Variants in RIOK1 observed in about 807,000 individuals in gnomAD.
RIOK1 encodes the protein RIO kinase 1.
Under a neutral mutation model 73.5 loss-of-function variants are expected in RIOK1, and 66 were observed. The observed-to-expected ratio is 0.90, with a 90% CI of 0.74 to 1.10. The LOEUF is 1.10. RIOK1 is among the 50% of genes least tolerant of loss of function. The probability of loss-of-function intolerance (pLI) is 0.00; values close to 1 mark genes in which losing one functional copy is unlikely to be tolerated. For synonymous variants in RIOK1, 224 were observed against 226.8 expected (o/e 0.99, Z 0.11); for missense variants, 658 against 699.8 (o/e 0.94, Z 0.67).
chr6:7,412,902 CTG>C lies in RIOK1; in HGVS notation c.1405_1406del (p.Val469TyrfsTer28). On this transcript the variant is annotated frameshift_variant, in exon 15 of 17. Coordinates refer to ENST00000379834, the MANE Select transcript of RIOK1 (RefSeq NM_031480.3). LOFTEE classifies it high-confidence loss of function. ...TTTGGTTATAAGATTCTATACCAGA[CTG>C]TTACAGGATTGAAGAAAGATTTGTC... The C allele has an allele frequency of 1.3e-6, 2 of 1,535,450 alleles. No individual in the cohort carries two copies. The highest frequency in any genetic ancestry group is 1.8e-6 in the Non-Finnish European group (2 of 1,140,820).
intron 11 of RIOK1, 57 bp from the exon 12 acceptor site, chr6:7,405,192 T>C: frequency 8.4e-7 from 1 of 1,189,934 alleles, no homozygotes. Context: ...ATAAGGTAGT[T>C]GGAATAATAA....
intron 2 of RIOK1, 78 bp from the exon 3 acceptor site, chr6:7,394,975 A>G (rs1360201635): frequency 1.3e-6 from 2 of 1,577,008 alleles, no homozygotes; most frequent in East Asian, 4.7e-5. Flanking sequence ...ATAGCTAAGT[A>G]TGAACTAAGG....
intron 6 of RIOK1, among the ~76,000 whole-genome samples, chr6:7,401,806 A>G (rs1761620800): frequency 6.6e-6 from 1 of 150,726 alleles, no homozygotes; most frequent in Admixed American, 6.6e-5. Context: ...ACCCTCCCGA[A>G]TAGCTGGGAC....
chr6:7,394,836 C>T (rs943157599), intron 2 of RIOK1, among the ~76,000 whole-genome samples: 1 of 152,128 alleles, frequency 6.6e-6, no homozygotes, highest in Non-Finnish European at 1.5e-5. Flanking sequence ...GTTAAAAAAA[C>T]GGATTATGCA....
intron 15 of RIOK1, among the ~76,000 whole-genome samples, chr6:7,413,562 A>G (rs1429545272): frequency 6.6e-6 from 1 of 152,342 alleles, no homozygotes; most frequent in East Asian, 1.9e-4. Flanking sequence ...TGTGGAAAGA[A>G]TTGAATTAGG....
At chr6:7,392,555 G>T (rs1761367061) in intron 1 of RIOK1, among the ~76,000 whole-genome samples, 1 of 151,232 alleles carries the variant, frequency 6.6e-6, no homozygotes, top group Non-Finnish European at 1.5e-5. Flanking sequence ...TTAGAGACAG[G>T]GTTGCCCAAG....
At chr6:7,412,483 C>T (rs1185150209) in intron 14 of RIOK1, among the ~76,000 whole-genome samples, 4 of 151,816 alleles carry the variant, frequency 2.6e-5, no homozygotes, top group Non-Finnish European at 5.9e-5. Context: ...GGTGAAACCT[C>T]GTCTCTACTA....
At chr6:7,395,023 A>G (rs746273739) in intron 2 of RIOK1, 30 bp from the exon 3 acceptor site, 129 of 1,612,014 alleles carry the variant, frequency 8.0e-5, no homozygotes, top group Middle Eastern at 3.3e-4. Flanking sequence ...TTTTACAGCT[A>G]GTGCCTTAGA....
intron 4 of RIOK1, among the ~76,000 whole-genome samples, chr6:7,397,102 A>G (rs1761494754): frequency 6.6e-6 from 1 of 152,124 alleles, no homozygotes; most frequent in African/African-American, 2.4e-5. Flanking sequence ...TGTCTGTACA[A>G]AAAATACAAA....
At chr6:7,410,921 G>C (rs1252479271) in intron 13 of RIOK1, among the ~76,000 whole-genome samples, 1 of 152,158 alleles carries the variant, frequency 6.6e-6, no homozygotes, top group Non-Finnish European at 1.5e-5. Context: ...TGTGTTTGTC[G>C]GCAGCTCTCC....
At chr6:7,415,424 G>T (rs1207412407) in intron 16 of RIOK1, among the ~76,000 whole-genome samples, 3 of 151,860 alleles carry the variant, frequency 2.0e-5, no homozygotes, top group Non-Finnish European at 4.4e-5. Flanking sequence ...AAAAGGAAAA[G>T]AATCATATGC....
At chr6:7,407,223 G>A (rs1040689721) in intron 12 of RIOK1, among the ~76,000 whole-genome samples, 1 of 152,156 alleles carries the variant, frequency 6.6e-6, no homozygotes, top group African/African-American at 2.4e-5. Context: ...ACTGTTTACT[G>A]TAGTGGCTGC....
chr6:7,393,056 G>A, intron 1 of RIOK1, 43 bp from the exon 2 acceptor site: 1 of 1,554,694 alleles, frequency 6.4e-7, no homozygotes, highest in Non-Finnish European at 8.9e-7. Flanking sequence ...GTTAGGGTAT[G>A]TGGAAATATT....
In RIOK1 at chr6:7,393,162, CA is replaced by C; in HGVS notation, c.137del (p.Asn46MetfsTer2). On this transcript the variant is annotated frameshift_variant, in exon 2 of 17. Transcript: ENST00000379834. LOFTEE classifies it high-confidence loss of function. Reference sequence around the variant, plus strand: ...ACATTCTGTTTGAAGACCTTCAAGACAATGTGAATGAGAATGGTGAAGGTGA... The same window carrying C: ...ACATTCTGTTTGAAGACCTTCAAGACATGTGAATGAGAATGGTGAAGGTGA... ...DDILFEDLQD[N>X]VNENGEGEIE... 6.2e-7 allele frequency: 1 copy of C among 1,613,222 alleles called. No homozygotes were observed. The highest frequency in any genetic ancestry group is 8.5e-7 in the Non-Finnish European group (1 of 1,179,490).
chr6:7,416,244 C>G (rs1761997266), intron 16 of RIOK1, among the ~76,000 whole-genome samples: 1 of 152,238 alleles, frequency 6.6e-6, no homozygotes, highest in African/African-American at 2.4e-5. Context: ...CATATTTTGT[C>G]TCTTTCCAAT....
rs1461916571 is a variant in RIOK1, at chr6:7,404,556, G to A, written c.992+1G>A. The A allele has an allele frequency of 1.8e-5, 29 of 1,613,704 alleles. No homozygotes were observed. The highest frequency in any genetic ancestry group is 2.3e-5 in the Non-Finnish European group (27 of 1,179,774). On this transcript the variant is annotated splice_donor_variant, in intron 10 of 16. Coordinates refer to ENST00000379834, the MANE Select transcript of RIOK1 (RefSeq NM_031480.3). LOFTEE classifies it high-confidence loss of function. Reference sequence around the variant, plus strand: ...CAGATCTCAGTGAATTTAACATGCTGTGAGTGTATTTTGTCTCTTAAGAAC... The same window carrying A: ...CAGATCTCAGTGAATTTAACATGCTATGAGTGTATTTTGTCTCTTAAGAAC...
chr6:7,407,231 T>C (rs937281958), intron 12 of RIOK1, among the ~76,000 whole-genome samples: 1 of 152,232 alleles, frequency 6.6e-6, no homozygotes, highest in Non-Finnish European at 1.5e-5. Flanking sequence ...CTGTAGTGGC[T>C]GCACCATTTT....
At position 7,411,351 on chromosome 6, in the gene RIOK1, T is replaced by C; in HGVS notation, c.1289T>C (p.Ile430Thr). ...TGTTAGGTGTTTAAGCGAGCATATA[T>C]TCCTAGAACCTTGAATGAAGTGAAA... ...VDEEVFKRAY[I>T]PRTLNEVKNY... The change falls in exon 14 of 17, where the codon ATT becomes ACT. Residue 430 changes from isoleucine (I) to threonine (T), a missense_variant. Coordinates refer to ENST00000379834, the MANE Select transcript of RIOK1 (RefSeq NM_031480.3). The C allele has an allele frequency of 6.2e-7, 1 of 1,614,042 alleles. No individual in the cohort carries two copies. Among genetic ancestry groups the C allele is most frequent in the Middle Eastern group, 1.6e-4 (1 of 6,062 alleles).
At chr6:7,398,390 C>T (rs555536345) in intron 4 of RIOK1, among the ~76,000 whole-genome samples, 2 of 151,972 alleles carry the variant, frequency 1.3e-5, no homozygotes, top group Non-Finnish European at 2.9e-5. Flanking sequence ...CAAATATACT[C>T]AATGTTTTCT....
Sources: allele counts gnomAD v4.1 joint callset (sites outside exome capture counted in the v4.1 genomes callset), GRCh38; gene constraint gnomAD v4.1.1; transcripts MANE v1.5; gene names NCBI Gene and HGNC (gene_info 2026-07-23, HGNC 2026-07-21).